The following PCDH15 variants were observed in gnomAD, a reference collection of about 807,000 sequenced individuals.
The protein encoded by PCDH15 is protocadherin-15.
PCDH15 carries 129 observed loss-of-function variants against 178.5 expected under a neutral mutation model. That is an observed-to-expected ratio of 0.72 (90% confidence interval 0.63 to 0.84). The LOEUF (loss-of-function observed/expected upper bound fraction) is 0.84. PCDH15 is among the 40% of genes least tolerant of loss of function. PCDH15 has a pLI of 0.00. For synonymous variants in PCDH15, 800 were observed against 732.0 expected (o/e 1.09, Z -1.50); for missense variants, 2,230 against 2,099.9 (o/e 1.06, Z -1.21).
intron 2 of PCDH15, among the ~76,000 whole-genome samples, chr10:55,405,927 T>C (rs190697277): frequency 6.6e-6 from 1 of 151,630 alleles, no homozygotes; most frequent in East Asian, 1.9e-4. Flanking sequence ...GGTGTTCTAG[T>C]AGTAGAAGTG....
intron 2 of PCDH15, among the ~76,000 whole-genome samples, chr10:55,434,678 T>C (rs1412870711): frequency 1.3e-5 from 2 of 151,850 alleles, no homozygotes; most frequent in Non-Finnish European, 2.9e-5. Context: ...TGATCTTGGC[T>C]CACTGCAACC....
rs183884166 is a variant in PCDH15 at position 55,570,872 on chromosome 10, T to C, written c.-156+56753A>G. On this transcript the variant is annotated intron_variant, in intron 2 of 5. Transcript: ENST00000613346. ...TTCTTCTTTCAAGTGTTATCGTCTGTTTAGCTTGGCATTAGCAAAGGCAAT... is the reference window on the plus strand; with the variant it reads ...TTCTTCTTTCAAGTGTTATCGTCTGCTTAGCTTGGCATTAGCAAAGGCAAT... 1.0e-3 allele frequency among the ~76,000 whole-genome samples: 153 copies of C among 152,186 alleles called. 1 individual carries two copies. The highest frequency in any genetic ancestry group is 2.0e-3 in the Non-Finnish European group (135 of 68,006).
intron 2 of PCDH15, among the ~76,000 whole-genome samples, chr10:55,385,800 GATATGCATAT>G (rs1837646061): frequency 2.1e-5 from 3 of 141,452 alleles, no homozygotes; most frequent in Admixed American, 7.0e-5. Flanking sequence ...TCTGTATATA[GATATGCATAT>G]ATATGCATAT....
intron 2 of PCDH15, among the ~76,000 whole-genome samples, chr10:54,616,028 A>AT (rs1285044251): frequency 1.7e-4 from 26 of 152,222 alleles, no homozygotes; most frequent in Admixed American, 1.6e-3. Context: ...CAGGCTCAGC[A>AT]TTACCAAATT....
chr10:55,029,658 C>G (rs1023961654), intron 2 of PCDH15, among the ~76,000 whole-genome samples: 3 of 152,126 alleles, frequency 2.0e-5, no homozygotes, highest in African/African-American at 7.2e-5. Flanking sequence ...CTTGGTCAAT[C>G]AATGGTAACT....
intron 5 of PCDH15, among the ~76,000 whole-genome samples, chr10:54,367,646 G>C (rs1947005713): frequency 6.6e-6 from 1 of 151,774 alleles, no homozygotes; most frequent in Non-Finnish European, 1.5e-5. Flanking sequence ...TCACACACCG[G>C]GGCCTGTTGG....
intron 2 of PCDH15, among the ~76,000 whole-genome samples, chr10:55,437,832 C>CTTTTTTTTTTTTTTTT (rs778307616): frequency 3.5e-5 from 3 of 85,170 alleles, no homozygotes; most frequent in Non-Finnish European, 6.6e-5. Context: ...TATTGCTTTT[C>CTTTTTTTTTTTTTTTT]TTTTTTTTTT....
chr10:55,568,658 A>G (rs1158374075), intron 2 of PCDH15, among the ~76,000 whole-genome samples: 2 of 152,072 alleles, frequency 1.3e-5, no homozygotes, highest in Non-Finnish European at 2.9e-5. Context: ...GGGACTTCCA[A>G]AAGAGGATTC....
intron 1 of PCDH15, among the ~76,000 whole-genome samples, chr10:54,785,113 C>T (rs1950725560): frequency 6.6e-6 from 1 of 151,240 alleles, no homozygotes; most frequent in Non-Finnish European, 1.5e-5. Flanking sequence ...AGGCAAAACA[C>T]AAAAAGGAAA....
At chr10:55,505,556 G>T (rs1459752218) in intron 2 of PCDH15, among the ~76,000 whole-genome samples, 2 of 151,228 alleles carry the variant, frequency 1.3e-5, no homozygotes, top group African/African-American at 4.8e-5. Context: ...ACAATATATG[G>T]AAGGTAGGAG....
intron 2 of PCDH15, among the ~76,000 whole-genome samples, chr10:55,524,492 G>T (rs1187207752): frequency 2.0e-5 from 3 of 151,456 alleles, no homozygotes; most frequent in Non-Finnish European, 3.0e-5. Flanking sequence ...ACATTGAAAT[G>T]ATATTTTGGA....
intron 2 of PCDH15, among the ~76,000 whole-genome samples, chr10:55,614,261 A>G (rs1169637221): frequency 6.6e-6 from 1 of 152,246 alleles, no homozygotes; most frequent in East Asian, 1.9e-4. Flanking sequence ...TACCTAAAAC[A>G]GAGATGTTCG....
chr10:55,439,679 T>C (rs942227690), intron 2 of PCDH15, among the ~76,000 whole-genome samples: 12 of 151,494 alleles, frequency 7.9e-5, no homozygotes, highest in Admixed American at 3.9e-4. Flanking sequence ...AACTAAAATA[T>C]GGACAAAGAA....
At position 54,096,136 on chromosome 10, in the gene PCDH15, C is replaced by A. The variant is rs79134600; in HGVS notation, c.1918-6073G>T. On this transcript the variant is annotated intron_variant, in intron 15 of 37. Transcript: ENST00000644397. ...AAACTATAGAATCATAATTCATATT[C>A]TATGCCTTTTGAAACTCATTTTCTA... Among the ~76,000 whole-genome samples the A allele has an allele frequency of 3.5e-3, 531 of 152,082 alleles. 2 individuals carry two copies. Among genetic ancestry groups the A allele is most frequent in the African/African-American group, 0.011 (458 of 41,500 alleles).
chr10:54,302,448 G>T (rs552694583), intron 8 of PCDH15, among the ~76,000 whole-genome samples: 1 of 152,104 alleles, frequency 6.6e-6, no homozygotes, highest in Non-Finnish European at 1.5e-5. Flanking sequence ...TAGAAGGTTG[G>T]GAGGTGATTA....
chr10:53,949,607 A>G (rs909769989), intron 23 of PCDH15, among the ~76,000 whole-genome samples: 1 of 152,164 alleles, frequency 6.6e-6, no homozygotes, highest in Non-Finnish European at 1.5e-5. Flanking sequence ...GCATGGTGGC[A>G]TGCACCTAAA....
At chr10:55,320,200 T>A (rs985631552), upstream of PCDH15, among the ~76,000 whole-genome samples, 1 of 152,188 alleles carries the variant, frequency 6.6e-6, no homozygotes, top group Non-Finnish European at 1.5e-5. Context: ...AGGTGCTGTG[T>A]GTGCTTGGAC....
chr10:54,719,547 C>T (rs1026290249), intron 1 of PCDH15, among the ~76,000 whole-genome samples: 3 of 151,648 alleles, frequency 2.0e-5, no homozygotes, highest in East Asian at 1.9e-4. Context: ...TTCTGGGATA[C>T]GAGTGCAGAA....
chr10:55,257,616 G>A (rs1017462759), intron 1 of PCDH15, among the ~76,000 whole-genome samples: 3 of 152,078 alleles, frequency 2.0e-5, no homozygotes, highest in Non-Finnish European at 4.4e-5. Context: ...TGGAAGAAAA[G>A]GTATCAGTGA....
Sources: allele counts gnomAD v4.1 joint callset (sites outside exome capture counted in the v4.1 genomes callset), GRCh38; gene constraint gnomAD v4.1.1; transcripts MANE v1.5; gene names NCBI Gene and HGNC (gene_info 2026-07-23, HGNC 2026-07-21).